ATP11B: variants seen among roughly 807,000 people sequenced by gnomAD.
The protein encoded by ATP11B is ATPase phospholipid transporting 11B (putative), also known as phospholipid-transporting ATPase IF.
Under a neutral mutation model 157.8 loss-of-function variants are expected in ATP11B, and 81 were observed. That is an observed-to-expected ratio of 0.51 (90% confidence interval 0.43 to 0.62). ATP11B has a LOEUF of 0.62. ATP11B is among the 20% of genes least tolerant of loss of function. The probability of loss-of-function intolerance (pLI) is 0.00; values close to 1 mark genes in which losing one functional copy is unlikely to be tolerated. For missense variants in ATP11B, 1,165 were observed against 1,402.2 expected, an observed-to-expected ratio of 0.83 and a Z score of 2.70; for synonymous variants, 451 against 469.4, an observed-to-expected ratio of 0.96 and a Z score of 0.51.
chr3:182,856,541 T>C (rs546937937), intron 10 of ATP11B, among the ~76,000 whole-genome samples: 109 of 152,336 alleles, frequency 7.2e-4, no homozygotes, highest in Middle Eastern at 3.4e-3. Flanking sequence ...TTGAATGTCA[T>C]ATCCCTTCCT....
rs1560075646 is a variant in ATP11B at position 182,837,194 on chromosome 3, AT to A, written c.656+21del. 1.3e-6 allele frequency: 2 copies of A among 1,514,366 alleles called. No homozygotes were observed. Among genetic ancestry groups the A allele is most frequent in the East Asian group, 4.5e-5 (2 of 44,084 alleles). The allele number at this position is 1,514,366 out of a possible 1,614,324, so 93.8% of individuals were successfully genotyped here. On this transcript the variant is annotated intron_variant, in intron 7 of 29. Transcript: ENST00000323116. ...ATACAGGTATGGTGTGATATTCAGT[AT>A]ACTTATTTTAAGTCCTATTTACAGA...
At chr3:182,900,704 A>C (rs1327772224) in intron 28 of ATP11B, among the ~76,000 whole-genome samples, 1 of 152,146 alleles carries the variant, frequency 6.6e-6, no homozygotes, top group Non-Finnish European at 1.5e-5. Flanking sequence ...TTTTGACCTA[A>C]ATACAGTTAT....
intron 1 of ATP11B, among the ~76,000 whole-genome samples, chr3:182,818,932 G>GA (rs1227458986): frequency 6.9e-6 from 1 of 144,854 alleles, no homozygotes; most frequent in Admixed American, 6.8e-5. Context: ...AAAAAAAAAA[G>GA]AAAAAAAGAA....
intron 29 of ATP11B, chr3:182,915,672 C>A: frequency 1.0e-6 from 1 of 972,472 alleles, no homozygotes; most frequent in Non-Finnish European, 1.2e-6. Flanking sequence ...CTGCTATATA[C>A]ATATATCCAT....
chr3:182,836,933 C>A (rs1718597736), intron 6 of ATP11B, 138 bp from the exon 7 acceptor site: 1 of 634,816 alleles, frequency 1.6e-6, no homozygotes, highest in African/African-American at 1.8e-5. Flanking sequence ...TTACATGTTT[C>A]TTTCTCTTCT....
chr3:182,883,561 G>A (rs964498164), intron 21 of ATP11B, among the ~76,000 whole-genome samples: 2 of 151,754 alleles, frequency 1.3e-5, no homozygotes, highest in African/African-American at 4.8e-5. Flanking sequence ...CCCAGCCTGA[G>A]CCACCGTGCC....
intron 2 of ATP11B, among the ~76,000 whole-genome samples, chr3:182,821,298 G>A (rs1028864438): frequency 1.3e-5 from 2 of 152,024 alleles, no homozygotes; most frequent in South Asian, 2.1e-4. Context: ...TAGTGGAGAT[G>A]GGATTTCACC....
intron 1 of ATP11B, among the ~76,000 whole-genome samples, chr3:182,806,469 A>T (rs539100426): frequency 6.6e-6 from 1 of 151,686 alleles, no homozygotes; most frequent in Admixed American, 6.6e-5. Context: ...TCATTCTAGA[A>T]CTCTTGCTTG....
chr3:182,800,392 A>T (rs1170928900), intron 1 of ATP11B, among the ~76,000 whole-genome samples: 562 of 6,702 alleles, frequency 0.084, 4 homozygotes, highest in South Asian at 0.25. Flanking sequence ...CAGCTAATTA[A>T]AAAAAAAAAA....
At chr3:182,797,720 A>G (rs1406021045) in intron 1 of ATP11B, among the ~76,000 whole-genome samples, 1 of 151,484 alleles carries the variant, frequency 6.6e-6, no homozygotes, top group Admixed American at 6.6e-5. Flanking sequence ...AAAAGAAAAA[A>G]GAAAAAAGAA....
rs769680348 is a variant in ATP11B, at chr3:182,880,927, G to A, written c.2455G>A (p.Val819Ile). The A allele has an allele frequency of 4.4e-6, 7 of 1,605,456 alleles. No homozygotes were observed. The East Asian group carries it at 1.6e-4, about 36-fold the overall frequency. ...ISPEKPITLA[V>I]GDGANDVSMI... The stretch of plus-strand genomic sequence containing the variant: ...ACCTGAGAAACCTATAACATTGGCT[G>A]TTGGTGATGGTGCTAATGACGTAAG... Residue 819 changes from valine (V) to isoleucine (I), a missense_variant, in exon 21 of 30, where the codon GTT becomes ATT. By Grantham distance (29) the Val-to-Ile change is conservative (BLOSUM62 3). Coordinates refer to ENST00000323116, the MANE Select transcript of ATP11B (RefSeq NM_014616.3).
At chr3:182,816,985 T>G (rs1717003226) in intron 1 of ATP11B, among the ~76,000 whole-genome samples, 2 of 152,218 alleles carry the variant, frequency 1.3e-5, no homozygotes, top group South Asian at 4.1e-4. Context: ...TGGCTGTACT[T>G]ATACTATAGA....
At position 182,826,054 on chromosome 3, in the gene ATP11B, A is replaced by G. The variant is rs138935897; in HGVS notation, c.145-2066A>G. On this transcript the variant is annotated intron_variant, in intron 2 of 29. Transcript: ENST00000323116. Reference sequence around the variant, plus strand: ...TTGTCTTAACCATTATTACATAACAAAGAGAACTTTAAAGCATAATAAATT... The same window carrying G: ...TTGTCTTAACCATTATTACATAACAGAGAGAACTTTAAAGCATAATAAATT... 1.6e-3 allele frequency among the ~76,000 whole-genome samples: 240 copies of G among 152,338 alleles called. 5 individuals carry two copies. The highest frequency in any genetic ancestry group is 2.1e-3 in the South Asian group (10 of 4,830).
At chr3:182,819,296 C>T (rs988769393) in intron 1 of ATP11B, among the ~76,000 whole-genome samples, 1 of 152,056 alleles carries the variant, frequency 6.6e-6, no homozygotes, top group Non-Finnish European at 1.5e-5. Context: ...TGGTCTCGAT[C>T]TCCTGAGCTC....
chr3:182,904,910 AAAG>A lies in ATP11B; in HGVS notation c.3318+6139_3318+6141del, dbSNP rs1481313361. ...TCTTAAAAAAAAAAAAAAAAAAAAA[AAAG>A]GATTAATTCAAAACTTATTAACAAT... On this transcript the variant is annotated intron_variant, in intron 28 of 29. Coordinates refer to ENST00000323116, the MANE Select transcript of ATP11B (RefSeq NM_014616.3). 6.1e-3 allele frequency among the ~76,000 whole-genome samples: 891 copies of A among 147,130 alleles called. 12 individuals carry two copies. The highest frequency in any genetic ancestry group is 0.021 in the African/African-American group (826 of 39,046).
In ATP11B at chr3:182,905,444, A is replaced by C. The variant is rs34336962; in HGVS notation, c.3318+6672A>C. ...GAAGTCTTCTGAGAAGGGAAGCAGG[A>C]AAGGTGAGAAATTGGACATACCTTT... On this transcript the variant is annotated intron_variant, in intron 28 of 29. Coordinates refer to ENST00000323116, the MANE Select transcript of ATP11B (RefSeq NM_014616.3). Among the ~76,000 whole-genome samples the C allele has an allele frequency of 8.4e-3, 1,272 of 152,334 alleles. 4 individuals carry two copies. Among genetic ancestry groups the C allele is most frequent in the Admixed American group, 0.014 (208 of 15,306 alleles).
At chr3:182,889,580 G>A in intron 25 of ATP11B, 32 bp downstream of exon 25, 1 of 1,491,692 alleles carries the variant, frequency 6.7e-7, no homozygotes, top group Non-Finnish European at 8.9e-7. Flanking sequence ...AAGAATGCTT[G>A]TTAATATTTT....
At position 182,902,682 on chromosome 3, in the gene ATP11B, C is replaced by T. The variant is rs552367903; in HGVS notation, c.3318+3910C>T. Reference sequence around the variant, plus strand: ...GAGCGGGGCATTTTTGTTAGCATGGCCCTGTCTCTGAATAATTTGACCTTT... The same window carrying T: ...GAGCGGGGCATTTTTGTTAGCATGGTCCTGTCTCTGAATAATTTGACCTTT... On this transcript the variant is annotated intron_variant, in intron 28 of 29. Coordinates refer to ENST00000323116, the MANE Select transcript of ATP11B (RefSeq NM_014616.3). The T allele has an allele frequency of 3.1e-4, 133 of 426,884 alleles. 1 individual carries two copies. Among genetic ancestry groups the T allele is most frequent in the Middle Eastern group, 2.5e-3 (6 of 2,392 alleles). 26.4% of individuals were successfully genotyped at this position (426,884 alleles called of 1,614,324 possible).
At chr3:182,832,575 C>G (rs938657785) in intron 4 of ATP11B, among the ~76,000 whole-genome samples, 4 of 152,130 alleles carry the variant, frequency 2.6e-5, no homozygotes, top group African/African-American at 9.7e-5. Context: ...TGTCTTCTCC[C>G]CTTTTAGTCT....
Sources: allele counts gnomAD v4.1 joint callset (sites outside exome capture counted in the v4.1 genomes callset), GRCh38; gene constraint gnomAD v4.1.1; transcripts MANE v1.5; gene names NCBI Gene and HGNC (gene_info 2026-07-23, HGNC 2026-07-21).